PVT1: variants seen among roughly 807,000 people sequenced by gnomAD.
The protein encoded by PVT1 is Pvt1 oncogene, also known as CXCR4/PVT1 fusion.
At chr8:128,009,865 G>A (rs781085949) in intron 4 of PVT1, 1 of 152,220 alleles carries the variant, frequency 6.6e-6, no homozygotes, top group Non-Finnish European at 1.5e-5. Flanking sequence ...GCAATCTTGC[G>A]AAATTTCTCA....
intron 4 of PVT1, chr8:128,008,832 G>A: frequency 6.6e-6 from 3 of 455,374 alleles, no homozygotes; most frequent in Non-Finnish European, 4.9e-6. Context: ...GTTGGGGCCT[G>A]AAAAACACAG....
At chr8:127,984,988 T>TCC (rs1816944432) in intron 3 of PVT1, among the ~76,000 whole-genome samples, 1 of 132,516 alleles carries the variant, frequency 7.5e-6, no homozygotes, top group Non-Finnish European at 1.6e-5. Flanking sequence ...CCTTTCTTTC[T>TCC]TTCTCTTTCC....
chr8:128,025,895 A>G (rs570797386), intron 4 of PVT1, among the ~76,000 whole-genome samples: 3 of 152,230 alleles, frequency 2.0e-5, no homozygotes, highest in African/African-American at 7.2e-5. Context: ...CTTAATGTAG[A>G]ATAAGTATCA....
chr8:127,835,922 C>T (rs908920548), intron 2 of PVT1, among the ~76,000 whole-genome samples: 1 of 152,182 alleles, frequency 6.6e-6, no homozygotes, highest in Admixed American at 6.5e-5. Context: ...CCCTCTGTAG[C>T]CCCACATCCT....
chr8:128,039,233 T>A (rs1300227507), intron 4 of PVT1, among the ~76,000 whole-genome samples: 4 of 90,802 alleles, frequency 4.4e-5, no homozygotes, highest in African/African-American at 1.4e-4. Context: ...CTCAGGTTCT[T>A]GCCTCGCCTC....
intron 3 of PVT1, among the ~76,000 whole-genome samples, chr8:127,945,727 C>A (rs762385750): frequency 6.6e-6 from 1 of 152,180 alleles, no homozygotes; most frequent in Admixed American, 6.5e-5. Context: ...TTTTCTGTCA[C>A]GTAGCCATAG....
At chr8:127,925,305 C>G (rs533033995) in intron 3 of PVT1, among the ~76,000 whole-genome samples, 95 of 152,020 alleles carry the variant, frequency 6.2e-4, no homozygotes, top group Admixed American at 3.2e-3. Flanking sequence ...CAGCAAAGCT[C>G]TAGTTGAAAA....
chr8:127,823,118 G>C (rs567620435), intron 2 of PVT1, among the ~76,000 whole-genome samples: 2 of 152,178 alleles, frequency 1.3e-5, no homozygotes, highest in Non-Finnish European at 2.9e-5. Flanking sequence ...AAAGTGGCAC[G>C]TATGCTATGA....
intron 2 of PVT1, among the ~76,000 whole-genome samples, chr8:127,876,258 G>A (rs1815404465): frequency 6.1e-5 from 1 of 16,474 alleles, no homozygotes; most frequent in African/African-American, 7.2e-4. Context: ...ACAGCAGTGT[G>A]TGTGTGTGTG....
chr8:127,821,479 G>A (rs1232883177), intron 2 of PVT1, among the ~76,000 whole-genome samples: 7 of 152,132 alleles, frequency 4.6e-5, no homozygotes, highest in Non-Finnish European at 8.8e-5. Flanking sequence ...TTTCACCTTT[G>A]GTTTCTGCTT....
At position 127,948,965 on chromosome 8, in the gene PVT1, G is replaced by A. The variant is rs114611325; in HGVS notation, n.783-40197G>A. On this transcript the variant is annotated intron_variant and non_coding_transcript_variant, in intron 3 of 10. Coordinates refer to ENST00000651587, the Ensembl canonical transcript of PVT1. Reference sequence around the variant, plus strand: ...GAGAATTTCTGCCTCACAGGCTGTGGTAAGAGGCATCAGAAATAGCCGACT... The same window carrying A: ...GAGAATTTCTGCCTCACAGGCTGTGATAAGAGGCATCAGAAATAGCCGACT... Among the ~76,000 whole-genome samples, 792 of 152,308 alleles carry A rather than the reference G, an allele frequency of 5.2e-3. 12 individuals are homozygous for A. The highest frequency in any genetic ancestry group is 0.018 in the African/African-American group (754 of 41,552).
intron 4 of PVT1, among the ~76,000 whole-genome samples, chr8:128,018,852 A>G (rs1431376564): frequency 6.6e-6 from 1 of 152,190 alleles, no homozygotes; most frequent in African/African-American, 2.4e-5. Flanking sequence ...CCTGAATCCG[A>G]CAGTGGTAGG....
At chr8:127,921,263 G>T (rs1185960455) in intron 3 of PVT1, among the ~76,000 whole-genome samples, 1 of 152,052 alleles carries the variant, frequency 6.6e-6, no homozygotes, top group Admixed American at 6.6e-5. Context: ...GCAGAATCAG[G>T]GTTGTTAACC....
chr8:127,870,567 C>A (rs929771025), intron 2 of PVT1, among the ~76,000 whole-genome samples: 2 of 152,172 alleles, frequency 1.3e-5, no homozygotes, highest in Non-Finnish European at 2.9e-5. Context: ...CACTCCCTCC[C>A]TTTACATAGG....
At chr8:127,846,533 TGATGACTG>T (rs1378553697) in intron 2 of PVT1, among the ~76,000 whole-genome samples, 1 of 152,212 alleles carries the variant, frequency 6.6e-6, no homozygotes, top group Non-Finnish European at 1.5e-5. Flanking sequence ...ATCAACTCCC[TGATGACTG>T]GAGCCTGTGC....
At chr8:127,822,881 G>C (rs1814748702) in intron 2 of PVT1, among the ~76,000 whole-genome samples, 1 of 152,184 alleles carries the variant, frequency 6.6e-6, no homozygotes, top group Non-Finnish European at 1.5e-5. Flanking sequence ...CAGCAGCTGG[G>C]TGTAAATTTT....
At chr8:127,870,700 G>A (rs1212731822) in intron 2 of PVT1, among the ~76,000 whole-genome samples, 1 of 152,228 alleles carries the variant, frequency 6.6e-6, no homozygotes, top group African/African-American at 2.4e-5. Context: ...TCTTCAGCTA[G>A]AGGAAGCTCC....
intron 2 of PVT1, among the ~76,000 whole-genome samples, chr8:127,802,286 T>A (rs1003526387): frequency 6.6e-6 from 1 of 152,118 alleles, no homozygotes; most frequent in Non-Finnish European, 1.5e-5. Context: ...TGTTCATAGA[T>A]CATTATAGCC....
At chr8:127,902,668 T>C (rs1409777136) in intron 3 of PVT1, among the ~76,000 whole-genome samples, 1 of 152,174 alleles carries the variant, frequency 6.6e-6, no homozygotes, top group African/African-American at 2.4e-5. Flanking sequence ...TTCCCACTTA[T>C]AAGTGAGAAC....
Sources: gnomAD v4.1 joint callset for allele counts (sites outside exome capture counted in the v4.1 genomes callset) on GRCh38, gnomAD v4.1.1 for gene constraint, MANE v1.5 for transcripts, NCBI Gene and HGNC (gene_info 2026-07-23, HGNC 2026-07-21) for gene names.